The following CNGB1 variants were observed in gnomAD, a reference collection of about 807,000 sequenced individuals.
CNGB1 encodes cyclic nucleotide-gated channel beta-1.
In CNGB1, 126 loss-of-function variants were observed where a neutral mutation model predicts 151.7. The ratio of observed to expected loss-of-function variants is 0.83; its 90% CI spans 0.72 to 0.96. CNGB1 has a LOEUF of 0.96. CNGB1 is among the 40% of genes least tolerant of loss of function. CNGB1 has a pLI of 0.00. For missense variants in CNGB1, 1,698 were observed against 1,627.0 expected, an observed-to-expected ratio of 1.04 and a Z score of -0.75; for synonymous variants, 623 against 635.1, an observed-to-expected ratio of 0.98 and a Z score of 0.29.
Position 57,923,233 on chromosome 16 carries a change from CGCAGTCTTTCAATTTTCTGAGA to C in CNGB1, c.1643+18_1643+39del. On this transcript the variant is annotated intron_variant, in intron 18 of 32. Transcript: ENST00000251102. ...GCCCCCCCACATCCCCCACCCTCCC[CGCAGTCTTTCAATTTTCTGAGA>C]CCCCAGAGGGGTCTCACTCAGTGTC... 4.3e-6 allele frequency: 6 copies of C among 1,406,902 alleles called. No individual in the cohort carries two copies. Among genetic ancestry groups the C allele is most frequent in the East Asian group, 4.9e-5 (2 of 40,570 alleles). 87.2% of individuals were successfully genotyped at this position (1,406,902 alleles called of 1,614,324 possible). A position where few individuals can be genotyped will look rare whatever the true frequency, so the allele number is the denominator to read the frequency against.
intron 22 of CNGB1, 71 bp downstream of exon 22, chr16:57,916,058 C>T (rs1247397997): frequency 2.1e-6 from 3 of 1,427,602 alleles, no homozygotes; most frequent in African/African-American, 1.4e-5. Context: ...ACGCCCCAGG[C>T]ACCCAGGGCC....
intron 15 of CNGB1, 50 bp downstream of exon 15, chr16:57,940,184 C>T (rs1455287732): frequency 6.6e-7 from 1 of 1,511,616 alleles, no homozygotes; most frequent in African/African-American, 1.4e-5. Flanking sequence ...CATCCTTCCA[C>T]CAATGCCAAG....
chr16:57,904,704 G>A (rs760680739), intron 26 of CNGB1, 30 bp downstream of exon 26: 37 of 1,613,502 alleles, frequency 2.3e-5, no homozygotes, highest in Middle Eastern at 3.5e-4. Context: ...CAGTCAGGTG[G>A]GGTGGGAAGC....
At chr16:57,959,568 T>C (rs939235235) in intron 10 of CNGB1, among the ~76,000 whole-genome samples, 7 of 151,988 alleles carry the variant, frequency 4.6e-5, no homozygotes, top group Non-Finnish European at 7.4e-5. Context: ...CACCACTGCA[T>C]TCCAGCCTAG....
chr16:57,952,774 G>A (rs1244588957), intron 12 of CNGB1, among the ~76,000 whole-genome samples: 3 of 152,046 alleles, frequency 2.0e-5, no homozygotes, highest in Non-Finnish European at 4.4e-5. Flanking sequence ...GTGCTGGGAT[G>A]ACAGGCATGA....
chr16:57,945,515 G>T (rs1414512606), intron 14 of CNGB1, among the ~76,000 whole-genome samples: 1 of 152,236 alleles, frequency 6.6e-6, no homozygotes. Flanking sequence ...AAATGGGCAG[G>T]ATTTGCCTGG....
intron 32 of CNGB1, among the ~76,000 whole-genome samples, chr16:57,885,598 CTTTCTTTCT>C (rs1357512441): frequency 0.033 from 4,603 of 138,098 alleles, 291 homozygotes; most frequent in African/African-American, 0.12. Context: ...TTCTTTCTTT[CTTTCTTTCT>C]TTCTTAGACG....
intron 17 of CNGB1, 72 bp from the exon 18 acceptor site, chr16:57,923,452 AT>A: frequency 8.1e-7 from 1 of 1,239,384 alleles, no homozygotes; most frequent in East Asian, 2.4e-5. Context: ...CATGACTTTG[AT>A]CCCTAAAGAT....
chr16:57,931,444 C>T (rs1328474293), intron 17 of CNGB1, among the ~76,000 whole-genome samples: 2 of 152,148 alleles, frequency 1.3e-5, no homozygotes, highest in Admixed American at 6.5e-5. Context: ...CAGTAGCCAC[C>T]GTGCCTCGCT....
At chr16:57,941,529 A>G (rs1961667465) in intron 14 of CNGB1, among the ~76,000 whole-genome samples, 1 of 152,196 alleles carries the variant, frequency 6.6e-6, no homozygotes, top group Non-Finnish European at 1.5e-5. Flanking sequence ...TCTGCATGAA[A>G]AGTCTCCCCA....
intron 12 of CNGB1, chr16:57,955,233 G>A: frequency 6.5e-7 from 1 of 1,542,042 alleles, no homozygotes; most frequent in South Asian, 1.2e-5. Flanking sequence ...TTCAAATAGG[G>A]TGGGGTGTCA....
chr16:57,953,420 G>T (rs758515492), intron 12 of CNGB1, among the ~76,000 whole-genome samples: 21 of 149,268 alleles, frequency 1.4e-4, no homozygotes, highest in African/African-American at 5.2e-4. Context: ...GCTTGAACCC[G>T]GGAGGTAGAG....
Position 57,899,295 on chromosome 16 carries a change from G to T in CNGB1, c.2977-1381C>A, listed in dbSNP as rs187490801. On this transcript the variant is annotated intron_variant, in intron 29 of 32. Transcript: ENST00000251102. The stretch of plus-strand genomic sequence containing the variant: ...GGCCAGCTACCTGTGAGTCACATGT[G>T]TTTAAAAGGGGAAGAGGAGGTCTAC... Among the ~76,000 whole-genome samples the T allele has an allele frequency of 4.0e-3, 602 of 152,086 alleles. 3 individuals are homozygous for T. The highest frequency in any genetic ancestry group is 7.2e-3 in the Non-Finnish European group (491 of 68,004).
At chr16:57,961,639 T>C (rs762208048) in intron 7 of CNGB1, among the ~76,000 whole-genome samples, 1 of 118,696 alleles carries the variant, frequency 8.4e-6, no homozygotes, top group African/African-American at 3.0e-5. Flanking sequence ...AAGGAATGAA[T>C]GAATGAATGA....
chr16:57,888,200 G>A, intron 31 of CNGB1, 126 bp from the exon 32 acceptor site: 2 of 968,828 alleles, frequency 2.1e-6, no homozygotes, highest in Non-Finnish European at 3.2e-6. Flanking sequence ...ATTGTAGAGA[G>A]TTTTTTCTGG....
At chr16:57,884,798 G>A (rs149935235) in intron 32 of CNGB1, among the ~76,000 whole-genome samples, 1 of 152,220 alleles carries the variant, frequency 6.6e-6, no homozygotes, top group Non-Finnish European at 1.5e-5. Flanking sequence ...CAGTGACTCT[G>A]AGGGAGTACC....
In CNGB1 at chr16:57,884,039, T is replaced by A; in HGVS notation, c.*125A>T. The A allele has an allele frequency of 1.4e-6, 2 of 1,412,242 alleles. No homozygotes were observed. Among genetic ancestry groups the A allele is most frequent in the Non-Finnish European group, 2.0e-6 (2 of 1,005,664 alleles). The allele number at this position is 1,412,242 out of a possible 1,614,324, so 87.5% of individuals were successfully genotyped here. Reference sequence around the variant, plus strand: ...ACGGTCAGAGCTGCAGCCACTGAGGTCACGACTACGGAAAAGCATCTTCTC... The same window carrying A: ...ACGGTCAGAGCTGCAGCCACTGAGGACACGACTACGGAAAAGCATCTTCTC... On this transcript the variant is annotated 3_prime_UTR_variant, in exon 33 of 33. Transcript: ENST00000251102.
At chr16:57,910,067 AG>A (rs1432753656) in intron 25 of CNGB1, among the ~76,000 whole-genome samples, 12 of 152,350 alleles carry the variant, frequency 7.9e-5, no homozygotes, top group South Asian at 2.1e-4. Flanking sequence ...ATAAATTATA[AG>A]GCCCCCAACC....
chr16:57,925,159 C>T (rs1376061246), intron 17 of CNGB1, among the ~76,000 whole-genome samples: 1 of 151,902 alleles, frequency 6.6e-6, no homozygotes, highest in Non-Finnish European at 1.5e-5. Flanking sequence ...TACACCACCA[C>T]ACCAGCTAAT....
Sources: allele counts gnomAD v4.1 joint callset (sites outside exome capture counted in the v4.1 genomes callset), GRCh38; gene constraint gnomAD v4.1.1; transcripts MANE v1.5; gene names NCBI Gene and HGNC (gene_info 2026-07-23, HGNC 2026-07-21).